The following HERC1 variants were observed in gnomAD, a reference collection of about 807,000 sequenced individuals.
HERC1 encodes probable E3 ubiquitin-protein ligase HERC1.
HERC1 carries 160 observed loss-of-function variants against 554.3 expected under a neutral mutation model. That is an observed-to-expected ratio of 0.29 (90% CI 0.25 to 0.33). The LOEUF is 0.33. Among genes scored for constraint, HERC1 ranks in the 10% least tolerant of loss-of-function variants. The pLI, the probability that HERC1 is intolerant of heterozygous loss-of-function variation, is 1.00. For synonymous variants in HERC1, 2,175 were observed against 2,131.7 expected, an observed-to-expected ratio of 1.02 and a Z score of -0.56; for missense variants, 4,919 against 5,918.5, an observed-to-expected ratio of 0.83 and a Z score of 5.54.
At chr15:63,701,436 G>A (rs2072718624) in intron 25 of HERC1, among the ~76,000 whole-genome samples, 1 of 152,192 alleles carries the variant, frequency 6.6e-6, no homozygotes, top group African/African-American at 2.4e-5. Flanking sequence ...ATTTAAAGCA[G>A]GGGTTGGCAA....
At chr15:63,764,254 TTA>T in intron 2 of HERC1, 63 bp from the exon 3 acceptor site, 2 of 1,101,016 alleles carry the variant, frequency 1.8e-6, no homozygotes, top group Middle Eastern at 2.0e-4. Context: ...TTAAAATTAG[TTA>T]AACAGTCTAC....
chr15:63,772,605 A>C (rs140575071), intron 2 of HERC1, among the ~76,000 whole-genome samples: 2,436 of 152,012 alleles, frequency 0.016, 26 homozygotes, highest in East Asian at 0.027. Flanking sequence ...AGTATTAAGA[A>C]TCAGAAAACA....
chr15:63,705,956 G>GGA (rs2072979941), intron 25 of HERC1, among the ~76,000 whole-genome samples: 1 of 146,220 alleles, frequency 6.8e-6, no homozygotes, highest in African/African-American at 2.5e-5. Flanking sequence ...CTTGAGCACA[G>GGA]GAGGCCAAGG....
chr15:63,733,222 A>C, intron 13 of HERC1, 77 bp from the exon 14 acceptor site: 1 of 925,512 alleles, frequency 1.1e-6, no homozygotes, highest in African/African-American at 1.6e-5. Context: ...CCCAGAAAAA[A>C]ACTATACTAA....
rs2071279704 is a variant in HERC1, at chr15:63,677,726, T to C, written c.7070+119A>G. 2 of 1,476,182 alleles carry C rather than the reference T, an allele frequency of 1.4e-6. No homozygotes were observed. The highest frequency in any genetic ancestry group is 2.8e-5 in the African/African-American group (2 of 71,154). The allele number at this position is 1,476,182 out of a possible 1,614,324, so 91.4% of individuals were successfully genotyped here. A position where few individuals can be genotyped will look rare whatever the true frequency, so the allele number is the denominator to read the frequency against. On this transcript the variant is annotated intron_variant, in intron 37 of 77. Coordinates refer to ENST00000443617, the MANE Select transcript of HERC1 (RefSeq NM_003922.4). The surrounding 1 kb of genome is among the most constrained non-coding windows in gnomAD (Gnocchi z 4.4). ...TAGAAACATCTAGCTGCATGAGAAATATTTTTAAAAGTTAACTGGCAGCTC... is the reference window on the plus strand; with the variant it reads ...TAGAAACATCTAGCTGCATGAGAAACATTTTTAAAAGTTAACTGGCAGCTC...
Position 63,698,920 on chromosome 15 carries a change from G to A in HERC1, c.4713C>T (p.Asn1571=), listed in dbSNP as rs1468473175. The A allele has an allele frequency of 1.9e-6, 3 of 1,613,696 alleles. No homozygotes were observed. Among genetic ancestry groups the A allele is most frequent in the Non-Finnish European group, 2.5e-6 (3 of 1,179,692 alleles). Residue 1571 remains asparagine, a synonymous_variant, in exon 26 of 78, where the codon AAC becomes AAT. Transcript: ENST00000443617. Reference sequence around the variant, plus strand: ...AATCTGACTCAAAGGAATAGGAGGAGTTGCATAACCAGTCTCTGCTATGTT... The same window carrying A: ...AATCTGACTCAAAGGAATAGGAGGAATTGCATAACCAGTCTCTGCTATGTT... ...RLKHSRDWLC[N]SSYSFESDFD...
intron 1 of HERC1, among the ~76,000 whole-genome samples, chr15:63,785,194 G>C (rs1450148156): frequency 2.6e-5 from 4 of 152,176 alleles, no homozygotes; most frequent in African/African-American, 9.7e-5. Flanking sequence ...AGAGGCCAAG[G>C]TGGGAGGAAG....
chr15:63,821,778 T>C (rs764828628), intron 1 of HERC1, among the ~76,000 whole-genome samples: 31 of 151,104 alleles, frequency 2.1e-4, no homozygotes, highest in Admixed American at 5.3e-4. Context: ...GAGACAGTTT[T>C]ACTCCACAGA....
chr15:63,653,779 A>G (rs2069842557), intron 51 of HERC1, among the ~76,000 whole-genome samples: 1 of 152,306 alleles, frequency 6.6e-6, no homozygotes, highest in Admixed American at 6.5e-5. Flanking sequence ...TTTTACCCCA[A>G]TATTTTCCAT....
In HERC1 at chr15:63,652,473, G is replaced by C; in HGVS notation, c.10359C>G (p.Arg3453=). 1 of 1,611,042 alleles carries C rather than the reference G, an allele frequency of 6.2e-7. No individual in the cohort carries two copies. The highest frequency in any genetic ancestry group is 1.1e-5 in the South Asian group (1 of 90,504). The change falls in exon 52 of 78, where the codon CGC becomes CGG. Residue 3453 remains arginine (R), a synonymous_variant. Transcript: ENST00000443617. ...LATSGNDGTI[R]VWNVTKKQYS... is the part of the protein sequence containing the mutation. ...ATTGCTTCTTGGTAACATTCCATAC[G>C]CGGATGGTGCCATCATTGCCACTTG...
At chr15:63,790,287 G>A (rs1196810562) in intron 1 of HERC1, among the ~76,000 whole-genome samples, 1 of 152,210 alleles carries the variant, frequency 6.6e-6, no homozygotes, top group Non-Finnish European at 1.5e-5. Flanking sequence ...GTATGTAAAA[G>A]TACTTTTTAG....
intron 2 of HERC1, among the ~76,000 whole-genome samples, chr15:63,765,291 G>C (rs533984594): frequency 6.6e-6 from 1 of 151,962 alleles, no homozygotes; most frequent in East Asian, 1.9e-4. Flanking sequence ...CCTTTAAATA[G>C]TGAAGCCCTC....
At chr15:63,626,884 T>C (rs1296144246) in intron 70 of HERC1, among the ~76,000 whole-genome samples, 1 of 152,212 alleles carries the variant, frequency 6.6e-6, no homozygotes, top group Non-Finnish European at 1.5e-5. Context: ...CTAAGAGCTT[T>C]ACATGAATGG....
chr15:63,718,952 G>A lies in HERC1; in HGVS notation c.3743-55C>T. On this transcript the variant is annotated intron_variant, in intron 19 of 77. Transcript: ENST00000443617. This position sits in a 1 kb window ranked among gnomAD's most constrained non-coding sequence, Gnocchi z 4.2. ...AAAAGGGCTCAGAAAACAGTTCAGA[G>A]GTAATTTTTATAGCTTTAGTCATCC... 7.9e-7 allele frequency: 1 copy of A among 1,266,218 alleles called. No individual in the cohort carries two copies. The highest frequency in any genetic ancestry group is 1.1e-6 in the Non-Finnish European group (1 of 893,152). 78.4% of individuals were successfully genotyped at this position (1,266,218 alleles called of 1,614,324 possible).
At chr15:63,751,237 A>G (rs2075233797) in intron 8 of HERC1, among the ~76,000 whole-genome samples, 1 of 152,182 alleles carries the variant, frequency 6.6e-6, no homozygotes, top group African/African-American at 2.4e-5. Flanking sequence ...TTCTATGTTT[A>G]GATATGTTTA....
intron 45 of HERC1, 52 bp downstream of exon 45, chr15:63,661,696 GACTTA>G: frequency 6.4e-7 from 1 of 1,553,922 alleles, no homozygotes; most frequent in Non-Finnish European, 8.8e-7. Context: ...CAGTTCCCAA[GACTTA>G]AGGTATGAGG....
Position 63,663,124 on chromosome 15 carries a change from A to T in HERC1, c.8761T>A (p.Leu2921Met). 1 of 1,613,928 alleles carries T rather than the reference A, an allele frequency of 6.2e-7. No individual in the cohort carries two copies. The highest frequency in any genetic ancestry group is 8.5e-7 in the Non-Finnish European group (1 of 1,179,852). Residue 2921 changes from leucine to methionine, a missense_variant, in exon 44 of 78, where the codon TTG becomes ATG. Leu to Met is a conservative substitution (Grantham distance 15). Transcript: ENST00000443617. Reference protein sequence around the residue: ...GISLQQDPGALYDFNLDEELE... With the variant: ...GISLQQDPGAMYDFNLDEELE... ...TCCTCATCTAAATTAAAGTCATACA[A>T]CGCCCCTGGGTCTTGCTGCAAAGAT... is the stretch of plus-strand genomic sequence containing the variant.
intron 12 of HERC1, among the ~76,000 whole-genome samples, chr15:63,740,932 C>T (rs1309647805): frequency 6.6e-6 from 1 of 152,112 alleles, no homozygotes; most frequent in East Asian, 1.9e-4. Context: ...TTGATGATGT[C>T]CAATTTATTT....
chr15:63,636,034 A>G lies in HERC1; in HGVS notation c.12341T>C (p.Leu4114Pro). ...FSWGDGDYGK[L>P]GHGNSDRQRR... is the part of the protein sequence containing the mutation. ...CTGCCTGTCGCTGTTCCCATGGCCA[A>G]GTTTACCATAGTCACCATCTCCCCA... Residue 4114 changes from leucine (L) to proline (P), a missense_variant, in exon 65 of 78, where the codon CTT (leucine) becomes CCT (proline). Coordinates refer to ENST00000443617, the MANE Select transcript of HERC1 (RefSeq NM_003922.4). The G allele has an allele frequency of 6.2e-7, 1 of 1,613,834 alleles. No homozygotes were observed. Among genetic ancestry groups the G allele is most frequent in the Non-Finnish European group, 8.5e-7 (1 of 1,179,870 alleles).
Sources: allele counts gnomAD v4.1 joint callset (sites outside exome capture counted in the v4.1 genomes callset), GRCh38; gene constraint gnomAD v4.1.1; non-coding constraint Gnocchi (gnomAD v3.1); transcripts MANE v1.5; gene names NCBI Gene and HGNC (gene_info 2026-07-23, HGNC 2026-07-21).